MBNL1: variants seen among roughly 807,000 people sequenced by gnomAD.
MBNL1 encodes muscleblind-like protein 1.
Under a neutral mutation model 42.2 loss-of-function variants are expected in MBNL1, and 8 were observed. The ratio of observed to expected loss-of-function variants is 0.19; its 90% confidence interval spans 0.11 to 0.34. The LOEUF is 0.34. MBNL1 is among the 10% of genes least tolerant of loss of function. MBNL1 has a pLI of 1.00. For synonymous variants in MBNL1, 169 were observed against 173.9 expected, an observed-to-expected ratio of 0.97 and a Z score of 0.22; for missense variants, 309 against 495.3, an observed-to-expected ratio of 0.62 and a Z score of 3.57.
At chr3:152,329,680 T>TG (rs1560169055) in intron 2 of MBNL1, among the ~76,000 whole-genome samples, 1 of 113,530 alleles carries the variant, frequency 8.8e-6, no homozygotes, top group Non-Finnish European at 1.8e-5. Context: ...ATCTTATATA[T>TG]ATATATCTTA....
rs1299929408 is a variant in MBNL1 at position 152,445,447 on chromosome 3, C to A, written c.715C>A (p.Pro239Thr). The A allele has an allele frequency of 1.2e-6, 2 of 1,614,106 alleles. No homozygotes were observed. The highest frequency in any genetic ancestry group is 1.7e-5 in the Admixed American group (1 of 59,992). ...TCGGGAAAAGTGCAAATACTTTCAT[C>A]CCCCTGCACATTTGCAAGCCAAGAT... ...CSREKCKYFHPPAHLQAKIKA... is the reference protein window; with the variant it reads ...CSREKCKYFHTPAHLQAKIKA... Residue 239 changes from proline to threonine, a missense_variant, in exon 5 of 10, where the codon CCC becomes ACC. Coordinates refer to ENST00000324210, the MANE Select transcript of MBNL1 (RefSeq NM_021038.5).
chr3:152,331,191 C>CACACACAT (rs1289359893), intron 2 of MBNL1, among the ~76,000 whole-genome samples: 4 of 152,202 alleles, frequency 2.6e-5, no homozygotes, highest in East Asian at 1.9e-4. Context: ...CCCCTACACA[C>CACACACAT]ACACACATAC....
chr3:152,301,530 G>A (rs1179716685), intron 2 of MBNL1, among the ~76,000 whole-genome samples: 2 of 152,046 alleles, frequency 1.3e-5, no homozygotes, highest in East Asian at 3.8e-4. Context: ...GTCCATTTTA[G>A]GCTGTTCATT....
intron 2 of MBNL1, among the ~76,000 whole-genome samples, chr3:152,319,502 G>A (rs2074811695): frequency 2.0e-5 from 3 of 151,808 alleles, no homozygotes; most frequent in Admixed American, 2.0e-4. Flanking sequence ...CAGGAAAATG[G>A]CATCATTGAC....
intron 2 of MBNL1, among the ~76,000 whole-genome samples, chr3:152,370,493 T>C (rs1028262280): frequency 2.6e-5 from 4 of 152,080 alleles, no homozygotes; most frequent in African/African-American, 9.7e-5. Flanking sequence ...GGGTGGAGAG[T>C]TCTGTAGATG....
chr3:152,253,566 A>T (rs888514477), intron 2 of MBNL1, among the ~76,000 whole-genome samples: 1 of 152,142 alleles, frequency 6.6e-6, no homozygotes, highest in African/African-American at 2.4e-5. Context: ...TATTTTAATT[A>T]GGATAAAATC....
rs746039258 is a variant in MBNL1 at position 152,447,721 on chromosome 3, A to G, written c.909A>G (p.Gln303=). 6.2e-6 allele frequency: 10 copies of G among 1,613,880 alleles called. No homozygotes were observed. In the Admixed American group the frequency reaches 8.3e-5, roughly 13 times the overall value. The part of the protein sequence containing the change: ...AVFNTGIFQY[Q]QALANMQLQQ... ...TTAACACTGGTATTTTCCAATACCA[A>G]CAGGCTCTAGCCAACATGCAGTTAC... The change falls in exon 6 of 10, where the codon CAA becomes CAG. Residue 303 remains glutamine, a synonymous_variant. Coordinates refer to ENST00000324210, the MANE Select transcript of MBNL1 (RefSeq NM_021038.5).
chr3:152,251,061 G>C (rs1174223454), intron 2 of MBNL1, among the ~76,000 whole-genome samples: 2 of 151,998 alleles, frequency 1.3e-5, no homozygotes, highest in Non-Finnish European at 2.9e-5. Context: ...ATGTAATCCA[G>C]CATATAAACA....
At chr3:152,414,458 T>TTA (rs2098661315) in intron 2 of MBNL1, among the ~76,000 whole-genome samples, 1 of 152,210 alleles carries the variant, frequency 6.6e-6, no homozygotes, top group South Asian at 2.1e-4. Context: ...TTATTTGTTA[T>TTA]TAGATACTTA....
chr3:152,348,049 A>C (rs62272737), intron 2 of MBNL1, among the ~76,000 whole-genome samples: 1 of 152,084 alleles, frequency 6.6e-6, no homozygotes, highest in East Asian at 1.9e-4. Flanking sequence ...CTCCAGGATG[A>C]GTCATAGATT....
chr3:152,273,694 ACAGAGACCAGTTATT>A (rs2043217308), intron 1 of MBNL1, among the ~76,000 whole-genome samples: 1 of 152,206 alleles, frequency 6.6e-6, no homozygotes, highest in Non-Finnish European at 1.5e-5. Context: ...TTGCTTTTCC[ACAGAGACCAGTTATT>A]CCAAAAAGGT....
chr3:152,349,927 T>C (rs1002942143), intron 2 of MBNL1, among the ~76,000 whole-genome samples: 4 of 152,138 alleles, frequency 2.6e-5, no homozygotes, highest in African/African-American at 7.2e-5. Context: ...TTAAAATTGA[T>C]GTTTTCTCTT....
intron 4 of MBNL1, among the ~76,000 whole-genome samples, chr3:152,443,116 C>G (rs894853564): frequency 1.3e-5 from 2 of 151,560 alleles, no homozygotes; most frequent in Non-Finnish European, 2.9e-5. Context: ...AGAATTCTTT[C>G]TAAATGTTCC....
intron 2 of MBNL1, among the ~76,000 whole-genome samples, chr3:152,325,817 C>G (rs549445659): frequency 8.4e-5 from 11 of 130,784 alleles, no homozygotes; most frequent in African/African-American, 3.2e-4. Context: ...CCTGTGATTT[C>G]TGTCTTTTTT....
chr3:152,375,046 T>A (rs1371862868), intron 2 of MBNL1, among the ~76,000 whole-genome samples: 1 of 152,222 alleles, frequency 6.6e-6, no homozygotes, highest in African/African-American at 2.4e-5. Context: ...TGTTATGTTG[T>A]CTAGGCTGGT....
intron 2 of MBNL1, among the ~76,000 whole-genome samples, chr3:152,360,127 C>T (rs1440843502): frequency 6.6e-6 from 1 of 152,066 alleles, no homozygotes; most frequent in Non-Finnish European, 1.5e-5. Context: ...TTTGTGATAT[C>T]CTTGTTCTGT....
At chr3:152,265,224 A>G (rs1559944792), upstream of MBNL1, 1 of 152,208 alleles carries the variant, frequency 6.6e-6, no homozygotes, top group African/African-American at 2.4e-5. Flanking sequence ...TCTCTTGACC[A>G]TCTATATTTA....
intron 2 of MBNL1, among the ~76,000 whole-genome samples, chr3:152,358,174 G>A (rs1485428070): frequency 6.6e-6 from 1 of 152,198 alleles, no homozygotes; most frequent in Non-Finnish European, 1.5e-5. Context: ...AGCGAAATGT[G>A]TATAAAGAGA....
chr3:152,297,224 A>G (rs1031409587), intron 1 of MBNL1, among the ~76,000 whole-genome samples: 5 of 150,960 alleles, frequency 3.3e-5, no homozygotes, highest in African/African-American at 1.2e-4. Flanking sequence ...AGGAAGATAG[A>G]CACAGCTTAC....
Sources: gnomAD v4.1 joint callset for allele counts (sites outside exome capture counted in the v4.1 genomes callset) on GRCh38, gnomAD v4.1.1 for gene constraint, MANE v1.5 for transcripts, NCBI Gene and HGNC (gene_info 2026-07-23, HGNC 2026-07-21) for gene names.